Variants in NKAIN2 observed in about 807,000 individuals in gnomAD.
The protein encoded by NKAIN2 is sodium/potassium-transporting ATPase subunit beta-1-interacting protein 2.
Under a neutral mutation model 32.6 loss-of-function variants are expected in NKAIN2, and 14 were observed. The ratio of observed to expected loss-of-function variants is 0.43; its 90% CI spans 0.28 to 0.67. The LOEUF (loss-of-function observed/expected upper bound fraction) is 0.67, where lower values mean the gene tolerates loss of function less well. NKAIN2 is among the 30% of genes least tolerant of loss of function. The pLI, the probability that NKAIN2 is intolerant of heterozygous loss-of-function variation, is 0.17. For synonymous variants in NKAIN2, 80 were observed against 87.2 expected, an observed-to-expected ratio of 0.92 and a Z score of 0.46; for missense variants, 198 against 258.3, an observed-to-expected ratio of 0.77 and a Z score of 1.60.
rs185332716 is a variant in NKAIN2, at chr6:124,802,787, A to C, written c.535+11388A>C. ...TGTTCTACTGCCTCCCTCTTGGAAA[A>C]AGTTTTCTTCACCCTTATTTGGAAG... On this transcript the variant is annotated intron_variant, in intron 5 of 6. Transcript: ENST00000368417. 2.0e-4 allele frequency among the ~76,000 whole-genome samples: 30 copies of C among 152,156 alleles called. 1 individual carries two copies. Among genetic ancestry groups the C allele is most frequent in the Admixed American group, 1.6e-3 (25 of 15,276 alleles).
chr6:124,067,264 G>A (rs1007000008), intron 1 of NKAIN2, among the ~76,000 whole-genome samples: 2 of 152,040 alleles, frequency 1.3e-5, no homozygotes, highest in African/African-American at 2.4e-5. Context: ...TATCTCTCTC[G>A]TACTCAACCC....
intron 1 of NKAIN2, among the ~76,000 whole-genome samples, chr6:124,277,859 C>T (rs1795108181): frequency 6.6e-6 from 1 of 151,590 alleles, no homozygotes; most frequent in Admixed American, 6.6e-5. Flanking sequence ...TGGTTGTTTA[C>T]AGCCTTTAAT....
chr6:124,135,950 C>T (rs1786761154), intron 1 of NKAIN2, among the ~76,000 whole-genome samples: 1 of 151,778 alleles, frequency 6.6e-6, no homozygotes. Flanking sequence ...AAATAGACAA[C>T]CTAATGTCAC....
intron 2 of NKAIN2, among the ~76,000 whole-genome samples, chr6:124,311,425 C>T (rs1583029854): frequency 6.6e-6 from 1 of 152,132 alleles, no homozygotes; most frequent in Non-Finnish European, 1.5e-5. Flanking sequence ...GCCATGCGCT[C>T]ACATGCTTCC....
intron 3 of NKAIN2, among the ~76,000 whole-genome samples, chr6:124,462,772 AC>A (rs1776583767): frequency 6.6e-6 from 1 of 152,082 alleles, no homozygotes; most frequent in African/African-American, 2.4e-5. Context: ...TTTTATATGT[AC>A]TTCGATGTAT....
intron 3 of NKAIN2, among the ~76,000 whole-genome samples, chr6:124,630,467 T>C (rs1017572754): frequency 2.0e-5 from 3 of 152,164 alleles, no homozygotes; most frequent in Non-Finnish European, 4.4e-5. Context: ...TAATACAGAA[T>C]GAAAAAGCAA....
chr6:123,852,455 T>C (rs1775388877), intron 1 of NKAIN2, among the ~76,000 whole-genome samples: 1 of 152,104 alleles, frequency 6.6e-6, no homozygotes, highest in Non-Finnish European at 1.5e-5. Context: ...CTCCCCAACC[T>C]CCACTGTTTT....
rs900247440 is a variant in NKAIN2, at chr6:124,139,079, A to ATTTTTTTTTTT, written c.55-143916_55-143906dup. Among the ~76,000 whole-genome samples the ATTTTTTTTTTT allele has an allele frequency of 1.5e-3, 145 of 99,460 alleles. 7 individuals are homozygous for ATTTTTTTTTTT. Among genetic ancestry groups the ATTTTTTTTTTT allele is most frequent in the African/African-American group, 2.8e-3 (66 of 23,572 alleles). The allele number at this position is 99,460 out of a possible 152,430, so 65.2% of individuals were successfully genotyped here. ...TCCCCAAAAACTTTTTTAAATAAAA[A>ATTTTTTTTTTT]TTTTTTTTTTTTTTTTTTTTGAGAC... On this transcript the variant is annotated intron_variant, in intron 1 of 6. Coordinates refer to ENST00000368417, the MANE Select transcript of NKAIN2 (RefSeq NM_001040214.3).
At chr6:124,322,508 T>G (rs1797239471) in intron 2 of NKAIN2, among the ~76,000 whole-genome samples, 2 of 152,178 alleles carry the variant, frequency 1.3e-5, no homozygotes. Flanking sequence ...AAAATATTTG[T>G]GCTACCACCT....
chr6:124,724,895 T>C (rs1343128445), intron 4 of NKAIN2, among the ~76,000 whole-genome samples: 1 of 152,202 alleles, frequency 6.6e-6, no homozygotes, highest in Non-Finnish European at 1.5e-5. Flanking sequence ...TTCTGGATAA[T>C]TTACCCTAAA....
chr6:124,209,283 G>A (rs1018372592), intron 1 of NKAIN2, among the ~76,000 whole-genome samples: 4 of 151,762 alleles, frequency 2.6e-5, no homozygotes, highest in African/African-American at 9.7e-5. Flanking sequence ...CATCCATGTT[G>A]TTGCAAATGA....
intron 1 of NKAIN2, among the ~76,000 whole-genome samples, chr6:123,873,919 C>T (rs1773035774): frequency 6.6e-6 from 1 of 151,230 alleles, no homozygotes; most frequent in South Asian, 2.1e-4. Context: ...GATTTTTGCC[C>T]TTTTCCTGTT....
intron 1 of NKAIN2, among the ~76,000 whole-genome samples, chr6:124,209,101 C>T (rs1320169813): frequency 6.6e-6 from 1 of 151,310 alleles, no homozygotes; most frequent in African/African-American, 2.4e-5. Context: ...CAAGAATCAT[C>T]CCCACTTTAT....
intron 1 of NKAIN2, among the ~76,000 whole-genome samples, chr6:123,832,197 T>A (rs1246337307): frequency 6.6e-6 from 1 of 152,198 alleles, no homozygotes; most frequent in East Asian, 1.9e-4. Flanking sequence ...GTTTTCCTTT[T>A]CCAGATATCA....
In NKAIN2 at chr6:123,803,978, A is replaced by G. The variant is rs1773099961; in HGVS notation, c.-223A>G. 6.6e-6 allele frequency among the ~76,000 whole-genome samples: 1 copy of G among 150,888 alleles called. No homozygotes were observed. Among genetic ancestry groups the G allele is most frequent in the Admixed American group, 6.6e-5 (1 of 15,148 alleles). On this transcript the variant is annotated 5_prime_UTR_variant, in exon 1 of 7. Coordinates refer to ENST00000368417, the MANE Select transcript of NKAIN2 (RefSeq NM_001040214.3). ...GCGCGGCGTGTGCACCGAGCGAGTGAAGGTATGTGTGGCGGGCGCGGCTGG... is the reference window on the plus strand; with the variant it reads ...GCGCGGCGTGTGCACCGAGCGAGTGGAGGTATGTGTGGCGGGCGCGGCTGG...
chr6:123,854,401 G>A (rs368071486), intron 1 of NKAIN2, among the ~76,000 whole-genome samples: 7 of 152,062 alleles, frequency 4.6e-5, no homozygotes, highest in East Asian at 3.9e-4. Flanking sequence ...AAGTTGTCTG[G>A]CTTTATCTTA....
At chr6:124,653,131 A>T (rs1260932730) in intron 3 of NKAIN2, among the ~76,000 whole-genome samples, 6 of 152,172 alleles carry the variant, frequency 3.9e-5, no homozygotes, top group Non-Finnish European at 8.8e-5. Flanking sequence ...AATTTTATGG[A>T]TGTTGGCAAA....
At chr6:124,034,480 A>G (rs1582965200) in intron 1 of NKAIN2, among the ~76,000 whole-genome samples, 4 of 152,092 alleles carry the variant, frequency 2.6e-5, no homozygotes, top group Admixed American at 2.6e-4. Flanking sequence ...GTAATATTCT[A>G]TGGTGTATAT....
At chr6:123,882,746 A>T (rs1043049927) in intron 1 of NKAIN2, among the ~76,000 whole-genome samples, 1 of 152,232 alleles carries the variant, frequency 6.6e-6, no homozygotes, top group East Asian at 1.9e-4. Flanking sequence ...ATTAATTATG[A>T]TGATTTATTC....
Sources: gnomAD v4.1 joint callset for allele counts (sites outside exome capture counted in the v4.1 genomes callset) on GRCh38, gnomAD v4.1.1 for gene constraint, MANE v1.5 for transcripts, NCBI Gene and HGNC (gene_info 2026-07-23, HGNC 2026-07-21) for gene names.